METTL24: variants seen among roughly 807,000 people sequenced by gnomAD.
The protein encoded by METTL24 is methyltransferase like 24.
Under a neutral mutation model 32.7 loss-of-function variants are expected in METTL24, and 29 were observed. The observed-to-expected ratio is 0.89, with a 90% confidence interval of 0.66 to 1.21. The LOEUF (loss-of-function observed/expected upper bound fraction) is 1.21, where lower values mean the gene tolerates loss of function less well. Ranked by LOEUF, METTL24 falls within the 50% of genes most tolerant of loss-of-function variation. The pLI, the probability that METTL24 is intolerant of heterozygous loss-of-function variation, is 0.00. For synonymous variants in METTL24, 163 were observed against 179.5 expected, an observed-to-expected ratio of 0.91 and a Z score of 0.73; for missense variants, 439 against 468.1, an observed-to-expected ratio of 0.94 and a Z score of 0.57.
At chr6:110,329,097 GTTTC>G (rs1364414967) in intron 1 of METTL24, among the ~76,000 whole-genome samples, 3 of 152,324 alleles carry the variant, frequency 2.0e-5, no homozygotes, top group East Asian at 1.9e-4. Context: ...TAAATGATCA[GTTTC>G]TTTATCACAA....
intron 4 of METTL24, among the ~76,000 whole-genome samples, chr6:110,296,291 A>G (rs1771418553): frequency 6.6e-6 from 1 of 152,250 alleles, no homozygotes; most frequent in Non-Finnish European, 1.5e-5. Flanking sequence ...ATGAGCAGAA[A>G]CTTCAGATTC....
At chr6:110,293,139 G>A (rs981090505) in intron 4 of METTL24, among the ~76,000 whole-genome samples, 1 of 151,724 alleles carries the variant, frequency 6.6e-6, no homozygotes, top group Non-Finnish European at 1.5e-5. Flanking sequence ...AAATCCTATT[G>A]GCAATTTTAT....
rs1269927158 is a variant in METTL24, at chr6:110,358,193, A to T, written c.80T>A (p.Leu27Gln). The T allele has an allele frequency of 6.2e-6, 9 of 1,447,188 alleles. No homozygotes were observed. Among genetic ancestry groups the T allele is most frequent in the Non-Finnish European group, 7.2e-6 (8 of 1,106,378 alleles). The allele number at this position is 1,447,188 out of a possible 1,614,324, so 89.6% of individuals were successfully genotyped here. ...GCGCCGCAGCTCTGCGCAGAGCCGC[A>T]GGCCGAACAACAGCACAGCCCCGAG... ...CLLGAVLLFG[L>Q]RLCAELRRAG... is the part of the protein sequence containing the mutation. The change falls in exon 1 of 5, where the codon CTG becomes CAG. Residue 27 changes from leucine (L) to glutamine (Q), a missense_variant. Leu to Gln is a moderately radical substitution (Grantham distance 113, BLOSUM62 -2). Coordinates refer to ENST00000338882, the MANE Select transcript of METTL24 (RefSeq NM_001123364.3).
intron 4 of METTL24, among the ~76,000 whole-genome samples, chr6:110,257,337 C>A (rs552842816): frequency 5.3e-5 from 8 of 152,254 alleles, no homozygotes; most frequent in Non-Finnish European, 7.4e-5. Context: ...TTAGGAAAGC[C>A]ACTGAGCTGC....
At chr6:110,357,253 A>T (rs1049351640) in intron 1 of METTL24, 9 of 152,242 alleles carry the variant, frequency 5.9e-5, no homozygotes, top group African/African-American at 2.2e-4. Context: ...AAAATGGACT[A>T]ATCAGTGAGG....
At chr6:110,332,909 GAA>G (rs777935788) in intron 1 of METTL24, among the ~76,000 whole-genome samples, 5 of 118,836 alleles carry the variant, frequency 4.2e-5, no homozygotes, top group Admixed American at 8.6e-5. Flanking sequence ...AACATTTATC[GAA>G]AAAAAAAAAA....
At chr6:110,285,559 A>G (rs1191333378) in intron 4 of METTL24, among the ~76,000 whole-genome samples, 1 of 152,178 alleles carries the variant, frequency 6.6e-6, no homozygotes. Flanking sequence ...TTGCTCAGGA[A>G]TACACTTTCC....
chr6:110,326,880 C>T (rs1008958311), intron 1 of METTL24, among the ~76,000 whole-genome samples: 2 of 152,196 alleles, frequency 1.3e-5, no homozygotes, highest in African/African-American at 4.8e-5. Flanking sequence ...GCAGGTCAGC[C>T]TCCCGGGGTG....
chr6:110,252,096 A>G (rs11750973), intron 4 of METTL24, among the ~76,000 whole-genome samples: 10,898 of 152,210 alleles, frequency 0.072, 577 homozygotes, highest in African/African-American at 0.16. Flanking sequence ...GTGAGCTGAG[A>G]TGGCGCCATG....
chr6:110,336,393 C>T (rs1772228978), intron 1 of METTL24, among the ~76,000 whole-genome samples: 2 of 152,204 alleles, frequency 1.3e-5, no homozygotes, highest in Admixed American at 6.5e-5. Context: ...GTTACTGCAT[C>T]ATAACCTAGC....
intron 4 of METTL24, among the ~76,000 whole-genome samples, chr6:110,267,614 G>A (rs1463795010): frequency 6.6e-6 from 1 of 151,120 alleles, no homozygotes; most frequent in Admixed American, 6.6e-5. Flanking sequence ...TGTATCTACT[G>A]ATAATGACAC....
At chr6:110,301,420 T>C (rs905373224) in intron 3 of METTL24, among the ~76,000 whole-genome samples, 1 of 152,222 alleles carries the variant, frequency 6.6e-6, no homozygotes, top group Non-Finnish European at 1.5e-5. Context: ...CCTTGACTTT[T>C]TGGCTTGGCC....
intron 4 of METTL24, among the ~76,000 whole-genome samples, chr6:110,281,997 A>G (rs1771144719): frequency 6.6e-6 from 1 of 152,150 alleles, no homozygotes; most frequent in Non-Finnish European, 1.5e-5. Context: ...TTAAATACTT[A>G]CACCCAGGAG....
intron 1 of METTL24, among the ~76,000 whole-genome samples, chr6:110,325,339 C>G (rs2114756845): frequency 6.6e-6 from 1 of 152,336 alleles, no homozygotes; most frequent in African/African-American, 2.4e-5. Flanking sequence ...TCTGTTGCAA[C>G]TCTTTGCCTC....
intron 4 of METTL24, among the ~76,000 whole-genome samples, chr6:110,265,507 C>G (rs997202205): frequency 6.6e-6 from 1 of 152,134 alleles, no homozygotes; most frequent in Admixed American, 6.5e-5. Context: ...ACTATATTTT[C>G]TAGTTTCTTT....
At chr6:110,286,381 A>C (rs955397497) in intron 4 of METTL24, among the ~76,000 whole-genome samples, 5 of 152,178 alleles carry the variant, frequency 3.3e-5, no homozygotes, top group African/African-American at 1.2e-4. Flanking sequence ...GCTCTATCTC[A>C]GAACAACTAA....
At chr6:110,289,867 T>G (rs1339916590) in intron 4 of METTL24, among the ~76,000 whole-genome samples, 1 of 150,908 alleles carries the variant, frequency 6.6e-6, no homozygotes, top group Non-Finnish European at 1.5e-5. Context: ...GGTAGAATGG[T>G]GGAAATCTAC....
intron 1 of METTL24, among the ~76,000 whole-genome samples, chr6:110,330,952 C>T (rs1335014965): frequency 6.6e-6 from 1 of 152,116 alleles, no homozygotes; most frequent in Non-Finnish European, 1.5e-5. Context: ...CCAATGTAGG[C>T]CTGATACAGA....
intron 1 of METTL24, among the ~76,000 whole-genome samples, chr6:110,353,516 A>G (rs1261926296): frequency 6.7e-6 from 1 of 150,170 alleles, no homozygotes; most frequent in Non-Finnish European, 1.5e-5. Context: ...AAATTTTGCC[A>G]TATGGTTTTT....
Sources: allele counts gnomAD v4.1 joint callset (sites outside exome capture counted in the v4.1 genomes callset), GRCh38; gene constraint gnomAD v4.1.1; transcripts MANE v1.5; gene names NCBI Gene and HGNC (gene_info 2026-07-23, HGNC 2026-07-21).